The following MKI67 variants were observed in gnomAD, a reference collection of about 807,000 sequenced individuals.
MKI67 encodes marker of proliferation Ki-67.
MKI67 carries 152 observed loss-of-function variants against 233.5 expected under a neutral mutation model. The ratio of observed to expected loss-of-function variants is 0.65; its 90% CI spans 0.57 to 0.74. The LOEUF (loss-of-function observed/expected upper bound fraction) is 0.74. Ranked by LOEUF, MKI67 falls within the 30% of genes least tolerant of loss-of-function variation. The pLI is 0.00. For synonymous variants in MKI67, 1,465 were observed against 1,418.5 expected (o/e 1.03, Z -0.74); for missense variants, 3,940 against 3,885.2 (o/e 1.01, Z -0.37).
chr10:128,107,747 C>T lies in MKI67; in HGVS notation c.4093G>A (p.Ala1365Thr). ...TPGHTEEAVAAGKTTKMPCES... is the reference protein window; with the variant it reads ...TPGHTEEAVATGKTTKMPCES... ...CAGGGCATTTTAGTAGTTTTGCCAG[C>T]AGCCACTGCTTCTTCAGTATGACCA... Residue 1365 changes from alanine to threonine, a missense_variant, in exon 13 of 15, where the codon GCT (alanine) becomes ACT (threonine). Coordinates refer to ENST00000368654, the MANE Select transcript of MKI67 (RefSeq NM_002417.5). 5 of 1,613,656 alleles carry T rather than the reference C, an allele frequency of 3.1e-6. No individual in the cohort carries two copies. Among genetic ancestry groups the T allele is most frequent in the Non-Finnish European group, 4.2e-6 (5 of 1,179,920 alleles).
rs575327091 is a variant in MKI67 at position 128,125,718 on chromosome 10, C to T, written c.-51G>A. On this transcript the variant is annotated 5_prime_UTR_variant, in exon 2 of 15. Coordinates refer to ENST00000368654, the MANE Select transcript of MKI67 (RefSeq NM_002417.5). This position sits in a 1 kb window ranked among gnomAD's most constrained non-coding sequence, Gnocchi z 5.3. ...TCCGTAGGGGAAGGCCAGGTATAATCCGTAGGGGAAGGCCAGAAGCAAATT... is the reference window on the plus strand; with the variant it reads ...TCCGTAGGGGAAGGCCAGGTATAATTCGTAGGGGAAGGCCAGAAGCAAATT... 6.7e-7 allele frequency: 1 copy of T among 1,493,354 alleles called. No homozygotes were observed. Among genetic ancestry groups the T allele is most frequent in the African/African-American group, 1.4e-5 (1 of 72,628 alleles). The allele number at this position is 1,493,354 out of a possible 1,614,324, so 92.5% of individuals were successfully genotyped here.
chr10:128,126,138 C>CGTG lies in MKI67; in HGVS notation c.-130_-129insCAC, dbSNP rs1470488152. The CGTG allele has an allele frequency of 6.2e-6, 1 of 161,364 alleles. No individual in the cohort carries two copies. The highest frequency in any genetic ancestry group is 1.3e-5 in the Non-Finnish European group (1 of 74,220). The allele number at this position is 161,364 out of a possible 1,614,324, so 10.0% of individuals were successfully genotyped here. On this transcript the variant is annotated 5_prime_UTR_variant, in exon 1 of 15. Transcript: ENST00000368654. Reference sequence around the variant, plus strand: ...CCCGCAAGGCCACTTGTCGAACCACCGCTCGTCAAGTCGCACCCAAAGTCC... The same window carrying CGTG: ...CCCGCAAGGCCACTTGTCGAACCACCGTGGCTCGTCAAGTCGCACCCAAAGTCC...
chr10:128,107,610 G>A lies in MKI67; in HGVS notation c.4230C>T (p.Leu1410=). 1 of 1,614,120 alleles carries A rather than the reference G, an allele frequency of 6.2e-7. No homozygotes were observed. The highest frequency in any genetic ancestry group is 1.3e-5 in the African/African-American group (1 of 75,002). The change falls in exon 13 of 15, where the codon CTC becomes CTT. Residue 1410 remains leucine, a synonymous_variant. Coordinates refer to ENST00000368654, the MANE Select transcript of MKI67 (RefSeq NM_002417.5). The part of the protein sequence containing the change: ...VQKELSALKK[L]TQTSGETTHT... ...GTGTGGTTTCCCCTGATGTCTGTGTGAGCTTCTTCAGGGCTGAGAGCTCCT... is the reference window on the plus strand; with the variant it reads ...GTGTGGTTTCCCCTGATGTCTGTGTAAGCTTCTTCAGGGCTGAGAGCTCCT...
rs1590294856 is a variant in MKI67, at chr10:128,103,394, T to C, written c.8446A>G (p.Thr2816Ala). ...PAAGHTEESM[T>A]DDKTTKIPCK... ...GGTATTTTAGTGGTTTTGTCATCAG[T>C]CATTGATTCTTCAGTGTGACCTGCT... Residue 2816 changes from threonine (T) to alanine (A), a missense_variant, in exon 13 of 15, where the codon ACT (threonine) becomes GCT (alanine). Thr to Ala is a moderately conservative substitution (Grantham distance 58, BLOSUM62 0). Transcript: ENST00000368654. The C allele has an allele frequency of 1.9e-6, 3 of 1,614,008 alleles. No homozygotes were observed. Among genetic ancestry groups the C allele is most frequent in the Non-Finnish European group, 2.5e-6 (3 of 1,179,994 alleles).
chr10:128,121,364 A>T (rs1029433944), intron 4 of MKI67, among the ~76,000 whole-genome samples: 12 of 143,948 alleles, frequency 8.3e-5, no homozygotes, highest in Admixed American at 2.9e-4. Context: ...TTATATATGT[A>T]TATATTATAT....
Position 128,106,556 on chromosome 10 carries a change from C to T in MKI67, c.5284G>A (p.Ala1762Thr), listed in dbSNP as rs368269373. The T allele has an allele frequency of 2.5e-6, 4 of 1,614,136 alleles. No individual in the cohort carries two copies. Among genetic ancestry groups the T allele is most frequent in the South Asian group, 2.2e-5 (2 of 91,080 alleles). Residue 1762 changes from alanine to threonine, a missense_variant, in exon 13 of 15, where the codon GCA becomes ACA. Ala to Thr is a moderately conservative substitution (Grantham distance 58). Coordinates refer to ENST00000368654, the MANE Select transcript of MKI67 (RefSeq NM_002417.5). ...GCTAAAAATTCTTCTTCAGTGTCTGCTTTCCTGAGACTTCTCTTGGGCTGT... is the reference window on the plus strand; with the variant it reads ...GCTAAAAATTCTTCTTCAGTGTCTGTTTTCCTGAGACTTCTCTTGGGCTGT... ...KPQPKRSLRKADTEEEFLAFR... is the reference protein window; with the variant it reads ...KPQPKRSLRKTDTEEEFLAFR...
rs74232762 is a variant in MKI67, at chr10:128,125,445, C to T, written c.92+131G>A. The stretch of plus-strand genomic sequence containing the variant: ...AAACACAACTATGTCAACTTAGTAA[C>T]GAATGGGAGAAGCACCAAGGAAAAG... On this transcript the variant is annotated intron_variant, in intron 2 of 14. Transcript: ENST00000368654. The surrounding 1 kb of genome is among the most constrained non-coding windows in gnomAD (Gnocchi z 5.3). 29,420 of 739,358 alleles carry T rather than the reference C, an allele frequency of 0.04. 1,276 individuals are homozygous for T. Among genetic ancestry groups the T allele is most frequent in the African/African-American group, 0.16 (8,973 of 56,346 alleles). 45.8% of individuals were successfully genotyped at this position (739,358 alleles called of 1,614,324 possible).
At position 128,103,348 on chromosome 10, in the gene MKI67, A is replaced by G. The variant is rs199622424; in HGVS notation, c.8492T>C (p.Leu2831Pro). The stretch of plus-strand genomic sequence containing the variant: ...CTTTGAGCTTGTTGCGGTGTCTTCT[A>G]GTTCTGGTGATGATTTGCAGGGTAT... ...TKIPCKSSPE[L>P]EDTATSSKRR... Residue 2831 changes from leucine to proline, a missense_variant, in exon 13 of 15, where the codon CTA becomes CCA. Physicochemically the swap from Leu to Pro is moderately conservative, Grantham distance 98. Coordinates refer to ENST00000368654, the MANE Select transcript of MKI67 (RefSeq NM_002417.5). 4 of 1,613,814 alleles carry G rather than the reference A, an allele frequency of 2.5e-6. No homozygotes were observed. The East Asian group carries it at 8.9e-5, about 36-fold the overall frequency.
rs757235291 is a variant in MKI67, at chr10:128,106,898, C to T, written c.4942G>A (p.Ala1648Thr). ...GATGTCTGTGTGAGCTTGCCAACTG[C>T]TAGGAGCTCTTCTTTCACGCCCACT... ...GKVGVKEELL[A>T]VGKLTQTSGE... The change falls in exon 13 of 15, where the codon GCA becomes ACA. Residue 1648 changes from alanine to threonine, a missense_variant. By Grantham distance (58) the Ala-to-Thr change is moderately conservative (BLOSUM62 0). Coordinates refer to ENST00000368654, the MANE Select transcript of MKI67 (RefSeq NM_002417.5). 3.1e-6 allele frequency: 5 copies of T among 1,614,128 alleles called. No homozygotes were observed. The East Asian group carries it at 1.1e-4, about 36-fold the overall frequency.
chr10:128,112,435 T>G lies in MKI67; in HGVS notation c.1667A>C (p.Gln556Pro), dbSNP rs149214865. 6 of 1,613,978 alleles carry G rather than the reference T, an allele frequency of 3.7e-6. No individual in the cohort carries two copies. The highest frequency in any genetic ancestry group is 5.1e-6 in the Non-Finnish European group (6 of 1,179,862). The stretch of plus-strand genomic sequence containing the variant: ...ACCTGACTCTTGTTTTCCTGATGGT[T>G]GAGGCTGTTCCTGACAAGACAAAAT... Reference protein sequence around the residue: ...VLKKIIKEQPQPSGKQESGSE... With the variant: ...VLKKIIKEQPPPSGKQESGSE... Residue 556 changes from glutamine (Q) to proline (P), a missense_variant, in exon 9 of 15, where the codon CAA becomes CCA. Physicochemically the swap from Gln to Pro is moderately conservative, Grantham distance 76 (BLOSUM62 -1). Coordinates refer to ENST00000368654, the MANE Select transcript of MKI67 (RefSeq NM_002417.5).
chr10:128,101,337 G>T lies in MKI67; in HGVS notation c.9626C>A (p.Pro3209His). The T allele has an allele frequency of 6.2e-7, 1 of 1,614,206 alleles. No individual in the cohort carries two copies. The highest frequency in any genetic ancestry group is 1.6e-4 in the Middle Eastern group (1 of 6,062). ...CLRSRKTKSQ[P>H]AASTLESKSV... Reference sequence around the variant, plus strand: ...TTTGCTCTCCAAAGTGCTTGCTGCAGGCTGGCTTTTTGTCTTTCTTGATCT... The same window carrying T: ...TTTGCTCTCCAAAGTGCTTGCTGCATGCTGGCTTTTTGTCTTTCTTGATCT... The change falls in exon 14 of 15, where the codon CCT becomes CAT. Residue 3209 changes from proline to histidine, a missense_variant. Coordinates refer to ENST00000368654, the MANE Select transcript of MKI67 (RefSeq NM_002417.5).
rs767336783 is a variant in MKI67, at chr10:128,103,782, A to C, written c.8058T>G (p.Ser2686=). 6.2e-7 allele frequency: 1 copy of C among 1,612,304 alleles called. No individual in the cohort carries two copies. The change falls in exon 13 of 15, where the codon TCT becomes TCG. Residue 2686 remains serine, a synonymous_variant. Transcript: ENST00000368654. ...LEDLAGFTEL[S]ETSGHTQESL... ...ATTCCTGAGTGTGACCTGATGTTTC[A>C]GAGAGCTCTGTGAAGCCGGCCAGGT...
chr10:128,122,261 G>A (rs1414319482), intron 4 of MKI67, among the ~76,000 whole-genome samples: 1 of 152,078 alleles, frequency 6.6e-6, no homozygotes, highest in Non-Finnish European at 1.5e-5. Flanking sequence ...CTTGAAGATG[G>A]CTGCCTTCTT....
chr10:128,111,717 G>T lies in MKI67; in HGVS notation c.2188C>A (p.Pro730Thr), dbSNP rs1852680684. The T allele has an allele frequency of 1.9e-6, 3 of 1,614,024 alleles. No homozygotes were observed. The East Asian group carries it at 6.7e-5, about 36-fold the overall frequency. Residue 730 changes from proline (P) to threonine (T), a missense_variant, in exon 11 of 15, where the codon CCT becomes ACT. Transcript: ENST00000368654. ...GKAHTEKVHV[P>T]ARPYRVLNNF... ...TTGAGCACTCTGTAGGGTCGAGCAGGCACATGTACTTTTTCAGTATGAGCT... is the reference window on the plus strand; with the variant it reads ...TTGAGCACTCTGTAGGGTCGAGCAGTCACATGTACTTTTTCAGTATGAGCT...
rs943978847 is a variant in MKI67, at chr10:128,126,172, A to T, written c.-163T>A. The T allele has an allele frequency of 6.3e-6, 1 of 158,352 alleles. No homozygotes were observed. The highest frequency in any genetic ancestry group is 1.7e-4 in the South Asian group (1 of 5,740). 9.8% of individuals were successfully genotyped at this position (158,352 alleles called of 1,614,324 possible). A position where few individuals can be genotyped will look rare whatever the true frequency, so the allele number is the denominator to read the frequency against. ...AGTCGCACCCAAAGTCCGCCGCAGG[A>T]GGAGCCGGCGCCGCGCTCACCTCCG... On this transcript the variant is annotated 5_prime_UTR_variant, in exon 1 of 15. Transcript: ENST00000368654.
chr10:128,105,407 G>A lies in MKI67; in HGVS notation c.6433C>T (p.His2145Tyr). Residue 2145 changes from histidine to tyrosine, a missense_variant, in exon 13 of 15, where the codon CAC (histidine) becomes TAC (tyrosine). His to Tyr is a moderately conservative substitution (Grantham distance 83). Transcript: ENST00000368654. Reference sequence around the variant, plus strand: ...TCATCTCCTGGTACTTTGTCTGTGTGTGTGGTCTGTGTGAGCTGCTTCAGG... The same window carrying A: ...TCATCTCCTGGTACTTTGTCTGTGTATGTGGTCTGTGTGAGCTGCTTCAGG... The part of the protein sequence containing the change: ...SALKQLTQTT[H>Y]TDKVPGDEDK... 2 of 1,614,168 alleles carry A rather than the reference G, an allele frequency of 1.2e-6. No individual in the cohort carries two copies. Among genetic ancestry groups the A allele is most frequent in the Non-Finnish European group, 8.5e-7 (1 of 1,180,028 alleles).
At chr10:128,111,543 A>C in intron 11 of MKI67, 102 bp downstream of exon 11, 1 of 934,710 alleles carries the variant, frequency 1.1e-6, no homozygotes. Flanking sequence ...TTTATTTTAT[A>C]ATCTCTTTCA....
rs768166273 is a variant in MKI67, at chr10:128,103,939, T to G, written c.7901A>C (p.Lys2634Thr). The G allele has an allele frequency of 6.2e-7, 1 of 1,613,664 alleles. No individual in the cohort carries two copies. The highest frequency in any genetic ancestry group is 1.7e-5 in the Admixed American group (1 of 59,964). Residue 2634 changes from lysine to threonine, a missense_variant, in exon 13 of 15, where the codon AAA becomes ACA. Lys to Thr is a moderately conservative substitution (Grantham distance 78). Transcript: ENST00000368654. The part of the protein sequence containing the change: ...QTSGQSTHTH[K>T]EPASGDEGIK... ...GCCCTCATCACCGCTTGCTGGTTCT[T>G]TGTGTGTGTGTGTGCTTTGCCCTGA...
chr10:128,106,615 G>C lies in MKI67; in HGVS notation c.5225C>G (p.Pro1742Arg), dbSNP rs770016650. The part of the protein sequence containing the change: ...TTKVSYRASQ[P>R]DLVDTPTSSK... ...GCTTGTTGGGGTGTCCACTAGGTCT[G>C]GCTGTGAAGCTCTGTAGGATACTTT... The change falls in exon 13 of 15, where the codon CCA becomes CGA. Residue 1742 changes from proline to arginine, a missense_variant. Physicochemically the swap from Pro to Arg is moderately radical, Grantham distance 103 (BLOSUM62 -2). Coordinates refer to ENST00000368654, the MANE Select transcript of MKI67 (RefSeq NM_002417.5). 28 of 1,614,082 alleles carry C rather than the reference G, an allele frequency of 1.7e-5. No individual in the cohort carries two copies. Among genetic ancestry groups the C allele is most frequent in the Non-Finnish European group, 2.3e-5 (27 of 1,180,050 alleles).
Sources: gnomAD v4.1 joint callset for allele counts (sites outside exome capture counted in the v4.1 genomes callset) on GRCh38, gnomAD v4.1.1 for gene constraint, Gnocchi (gnomAD v3.1) non-coding constraint, MANE v1.5 for transcripts, NCBI Gene and HGNC (gene_info 2026-07-23, HGNC 2026-07-21) for gene names.